Variants in ETFDH observed in about 807,000 individuals in gnomAD.
ETFDH encodes the protein electron transfer flavoprotein-ubiquinone oxidoreductase, mitochondrial.
Under a neutral mutation model 73.2 loss-of-function variants are expected in ETFDH, and 61 were observed. The ratio of observed to expected loss-of-function variants is 0.83; its 90% CI spans 0.68 to 1.03. ETFDH has a LOEUF of 1.03. Ranked by LOEUF, ETFDH falls within the 50% of genes least tolerant of loss-of-function variation. ETFDH has a pLI of 0.00. For synonymous variants in ETFDH, 243 were observed against 253.3 expected (o/e 0.96, Z 0.39); for missense variants, 685 against 745.0 (o/e 0.92, Z 0.94).
chr4:158,707,340 G>A (rs772425214), intron 12 of ETFDH, among the ~76,000 whole-genome samples: 14 of 152,180 alleles, frequency 9.2e-5, no homozygotes, highest in East Asian at 1.9e-4. Context: ...TCCGATACTC[G>A]AAAAGTAGTA....
intron 12 of ETFDH, among the ~76,000 whole-genome samples, chr4:158,707,272 A>G (rs1039917816): frequency 1.3e-5 from 2 of 152,206 alleles, no homozygotes; most frequent in East Asian, 1.9e-4. Context: ...TGAGCTTTCA[A>G]CTGAAATTAC....
At chr4:158,699,367 G>C (rs1774399631) in intron 9 of ETFDH, among the ~76,000 whole-genome samples, 1 of 152,084 alleles carries the variant, frequency 6.6e-6, no homozygotes, top group African/African-American at 2.4e-5. Context: ...GGCCGAGTTG[G>C]GTAGTCTGCC....
intron 1 of ETFDH, among the ~76,000 whole-genome samples, chr4:158,677,978 CTTGAG>C (rs1773753673): frequency 1.3e-5 from 2 of 152,170 alleles, no homozygotes; most frequent in African/African-American, 2.4e-5. Context: ...TTTGATCTTT[CTTGAG>C]TTAACTTTTT....
intron 3 of ETFDH, among the ~76,000 whole-genome samples, chr4:158,682,826 C>A (rs542362515): frequency 3.3e-5 from 5 of 151,988 alleles, no homozygotes; most frequent in Admixed American, 2.6e-4. Context: ...TGAGCCACCA[C>A]GCCCAGCCCA....
Position 158,708,871 on chromosome 4 carries a change from C to T in ETFDH, c.*344C>T, listed in dbSNP as rs888943053. The T allele has an allele frequency of 1.5e-5, 4 of 261,592 alleles. No individual in the cohort carries two copies. The highest frequency in any genetic ancestry group is 2.2e-5 in the Non-Finnish European group (3 of 134,260). The allele number at this position is 261,592 out of a possible 1,614,324, so 16.2% of individuals were successfully genotyped here. On this transcript the variant is annotated 3_prime_UTR_variant, in exon 13 of 13. Transcript: ENST00000511912. ...TCTAGACTAAAGTTTTATTGAAACA[C>T]AGCCATACCCATTGGTTACACATTG...
At chr4:158,692,317 G>A (rs535143351) in intron 6 of ETFDH, among the ~76,000 whole-genome samples, 15 of 150,388 alleles carry the variant, frequency 1.0e-4, no homozygotes, top group African/African-American at 3.2e-4. Flanking sequence ...GGAGAATGGC[G>A]TGAACCCAGG....
intron 5 of ETFDH, among the ~76,000 whole-genome samples, chr4:158,688,178 G>A (rs1774056192): frequency 6.6e-6 from 1 of 152,108 alleles, no homozygotes; most frequent in South Asian, 2.1e-4. Context: ...CGGATCACGA[G>A]GTCAAGAGAT....
chr4:158,691,738 A>G (rs1364199524), intron 6 of ETFDH, among the ~76,000 whole-genome samples: 1 of 152,186 alleles, frequency 6.6e-6, no homozygotes, highest in South Asian at 2.1e-4. Flanking sequence ...AGGTTTTCAC[A>G]TCTTGTATTT....
intron 2 of ETFDH, 105 bp downstream of exon 2, chr4:158,680,712 A>G: frequency 9.9e-7 from 1 of 1,013,326 alleles, no homozygotes; most frequent in South Asian, 1.3e-5. Flanking sequence ...ACATCTAATA[A>G]TATTTTGTGG....
chr4:158,687,103 C>T (rs1187096594), intron 5 of ETFDH, among the ~76,000 whole-genome samples: 4 of 152,118 alleles, frequency 2.6e-5, no homozygotes, highest in East Asian at 1.9e-4. Context: ...TCTCTTGAGC[C>T]TGCAGAGGAA....
intron 12 of ETFDH, among the ~76,000 whole-genome samples, chr4:158,707,831 G>A (rs947577439): frequency 6.6e-6 from 1 of 152,180 alleles, no homozygotes; most frequent in African/African-American, 2.4e-5. Context: ...AAGGTCTATG[G>A]TAAGACTGTA....
rs1774704214 is a variant in ETFDH, at chr4:158,708,504, G to A, written c.1831G>A (p.Gly611Arg). 1.2e-6 allele frequency: 2 copies of A among 1,613,586 alleles called. No homozygotes were observed. The highest frequency in any genetic ancestry group is 1.7e-5 in the Admixed American group (1 of 59,998). ...CTGGGTGGTACCTGAAGGTGGAGGA[G>A]GACCTGCTTACAATGGAATGTAAAC... ...INWVVPEGGG[G>R]PAYNGM The change falls in exon 13 of 13, where the codon GGA (glycine) becomes AGA (arginine). Residue 611 changes from glycine (G) to arginine (R), a missense_variant. This residue lies in a region of ETFDH where 201 missense variants were observed against 225.2 expected (regional missense o/e 0.89). Coordinates refer to ENST00000511912, the MANE Select transcript of ETFDH (RefSeq NM_004453.4).
chr4:158,682,309 A>G lies in ETFDH; in HGVS notation c.290A>G (p.Asp97Gly), dbSNP rs1441895588. 3.7e-6 allele frequency: 6 copies of G among 1,614,180 alleles called. No individual in the cohort carries two copies. Among genetic ancestry groups the G allele is most frequent in the Non-Finnish European group, 5.1e-6 (6 of 1,180,028 alleles). The part of the protein sequence containing the change: ...LKQLAVAHEK[D>G]IRVCLVEKAA... ...CAGTTGGCTGTGGCACATGAAAAGG[A>G]CATCCGTGTGTGTCTAGTGGAGAAA... The change falls in exon 3 of 13, where the codon GAC (aspartate) becomes GGC (glycine). Residue 97 changes from aspartate to glycine, a missense_variant. Asp to Gly is a moderately conservative substitution (Grantham distance 94). Transcript: ENST00000511912.
In ETFDH at chr4:158,708,502, G is replaced by A; in HGVS notation, c.1829G>A (p.Gly610Glu). The change falls in exon 13 of 13, where the codon GGA (glycine) becomes GAA (glutamate). Residue 610 changes from glycine (G) to glutamate (E), a missense_variant. Gly to Glu is a moderately conservative substitution (Grantham distance 98). Transcript: ENST00000511912. Reference sequence around the variant, plus strand: ...AACTGGGTGGTACCTGAAGGTGGAGGAGGACCTGCTTACAATGGAATGTAA... The same window carrying A: ...AACTGGGTGGTACCTGAAGGTGGAGAAGGACCTGCTTACAATGGAATGTAA... Reference protein sequence around the residue: ...NINWVVPEGGGGPAYNGM With the variant: ...NINWVVPEGGEGPAYNGM 1 of 1,613,746 alleles carries A rather than the reference G, an allele frequency of 6.2e-7. No individual in the cohort carries two copies. Among genetic ancestry groups the A allele is most frequent in the Middle Eastern group, 1.6e-4 (1 of 6,062 alleles).
At chr4:158,677,896 T>C (rs1297444555) in intron 1 of ETFDH, among the ~76,000 whole-genome samples, 1 of 152,208 alleles carries the variant, frequency 6.6e-6, no homozygotes, top group Non-Finnish European at 1.5e-5. Flanking sequence ...AATTTTGTTT[T>C]TGGTTTACAC....
At chr4:158,695,779 A>G (rs1774294326) in intron 7 of ETFDH, 136 bp downstream of exon 7, 1 of 683,426 alleles carries the variant, frequency 1.5e-6, no homozygotes, top group South Asian at 1.8e-5. Context: ...TATGACTAAA[A>G]CTTATTTGCG....
intron 8 of ETFDH, among the ~76,000 whole-genome samples, chr4:158,698,600 C>T (rs1262992265): frequency 6.6e-6 from 1 of 152,108 alleles, no homozygotes; most frequent in African/African-American, 2.4e-5. Context: ...CAGCTCCTTT[C>T]ATAGAAACAT....
chr4:158,673,240 T>A (rs1265759181), intron 1 of ETFDH, among the ~76,000 whole-genome samples: 1 of 152,132 alleles, frequency 6.6e-6, no homozygotes, highest in Non-Finnish European at 1.5e-5. Context: ...GAGGTGGAGG[T>A]TGCAGTGAGC....
chr4:158,676,485 AT>A (rs1224982823), intron 1 of ETFDH, among the ~76,000 whole-genome samples: 1 of 152,206 alleles, frequency 6.6e-6, no homozygotes, highest in African/African-American at 2.4e-5. Flanking sequence ...CTTGTAGCTA[AT>A]TTGTTAGTCC....
Sources: gnomAD v4.1 joint callset for allele counts (sites outside exome capture counted in the v4.1 genomes callset) on GRCh38, gnomAD v4.1.1 for gene constraint, gnomAD v4.1.1 regional missense constraint, MANE v1.5 for transcripts, NCBI Gene and HGNC (gene_info 2026-07-23, HGNC 2026-07-21) for gene names.